The following LRRC37A2 variants were observed in gnomAD, a reference collection of about 807,000 sequenced individuals.
The protein encoded by LRRC37A2 is leucine-rich repeat-containing protein 37A2.
In LRRC37A2, 9 loss-of-function variants were observed where a neutral mutation model predicts 68.8. That is an observed-to-expected ratio of 0.13 (90% CI 0.08 to 0.23). The LOEUF is 0.23. Ranked by LOEUF, LRRC37A2 falls within the 10% of genes least tolerant of loss-of-function variation. The pLI is 1.00. For missense variants in LRRC37A2, 168 were observed against 950.4 expected (o/e 0.18, Z 10.82); for synonymous variants, 63 against 367.6 (o/e 0.17, Z 9.48).
At chr17:46,733,536 C>T in the LRRC37A2 span, among the ~76,000 whole-genome samples, 4 of 152,136 alleles carry the variant, frequency 2.6e-5, no homozygotes, top group African/African-American at 9.7e-5. Flanking sequence ...ACAGGGTAGC[C>T]TCGTAATTTA....
the LRRC37A2 span, among the ~76,000 whole-genome samples, chr17:46,985,023 A>T: frequency 6.6e-6 from 1 of 152,238 alleles, no homozygotes. Flanking sequence ...CTTTTCCTGG[A>T]ATGGGCAAAG....
chr17:46,942,948 T>G, the LRRC37A2 span, among the ~76,000 whole-genome samples: 62 of 152,240 alleles, frequency 4.1e-4, no homozygotes, highest in African/African-American at 1.4e-3. Context: ...CCCATGTCCC[T>G]CTAGTACAGG....
the LRRC37A2 span, among the ~76,000 whole-genome samples, chr17:46,740,972 G>C: frequency 1.3e-5 from 2 of 152,078 alleles, no homozygotes; most frequent in African/African-American, 4.8e-5. Flanking sequence ...ATTATTTCTA[G>C]GTAATAAATC....
At chr17:46,878,472 A>C in the LRRC37A2 span, among the ~76,000 whole-genome samples, 1 of 152,138 alleles carries the variant, frequency 6.6e-6, no homozygotes, top group African/African-American at 2.4e-5. Flanking sequence ...CCCGGCTGAG[A>C]AGCCAAACTG....
the LRRC37A2 span, among the ~76,000 whole-genome samples, chr17:46,498,536 A>AAGT: frequency 7.2e-6 from 1 of 139,204 alleles, no homozygotes; most frequent in East Asian, 2.1e-4. Flanking sequence ...AACATCGTTA[A>AAGT]AGTACTGAGA....
the LRRC37A2 span, among the ~76,000 whole-genome samples, chr17:46,388,114 TA>T: frequency 4.4e-3 from 7 of 1,584 alleles, no homozygotes; most frequent in East Asian, 7.3e-3. Flanking sequence ...TCCTGAAGGC[TA>T]AAAAAAAAAA....
the LRRC37A2 span, among the ~76,000 whole-genome samples, chr17:46,736,156 A>G: frequency 1.3e-5 from 2 of 152,182 alleles, no homozygotes; most frequent in African/African-American, 4.8e-5. Context: ...TGAAATTTAG[A>G]AGCTTCCTAC....
chr17:46,922,586 T>G, the LRRC37A2 span, among the ~76,000 whole-genome samples: 5 of 152,188 alleles, frequency 3.3e-5, no homozygotes. Flanking sequence ...GACCAGAACC[T>G]CTTTGAGGGC....
the LRRC37A2 span, among the ~76,000 whole-genome samples, chr17:46,948,355 C>T: frequency 1.3e-5 from 2 of 152,202 alleles, no homozygotes; most frequent in East Asian, 1.9e-4. Context: ...TGCATAGGAC[C>T]CAGGTCTGAT....
At chr17:46,492,684 GTTTTGTTTTTTTTTTTT>G in the LRRC37A2 span, among the ~76,000 whole-genome samples, 2 of 127,862 alleles carry the variant, frequency 1.6e-5, no homozygotes, top group South Asian at 4.6e-4. Flanking sequence ...TCAGGGTTTT[GTTTTGTTTTTTTTTTTT>G]TTTTTTTTTT....
chr17:47,047,781 T>C, the LRRC37A2 span, among the ~76,000 whole-genome samples: 1 of 151,814 alleles, frequency 6.6e-6, no homozygotes, highest in African/African-American at 2.4e-5. Context: ...ACCTGGCTCT[T>C]CTAATAGAAT....
the LRRC37A2 span, among the ~76,000 whole-genome samples, chr17:46,999,333 C>T: frequency 3.9e-5 from 6 of 152,100 alleles, no homozygotes; most frequent in Non-Finnish European, 7.4e-5. Flanking sequence ...GCCTGACCCA[C>T]CAGAAGGGCT....
the LRRC37A2 span, chr17:47,018,689 A>G: frequency 6.6e-7 from 1 of 1,520,352 alleles, no homozygotes; most frequent in African/African-American, 1.4e-5. Flanking sequence ...AGGAGGCTGC[A>G]GCTGAGCATC....
the LRRC37A2 span, chr17:46,726,664 A>T: frequency 6.8e-7 from 1 of 1,478,474 alleles, no homozygotes; most frequent in Non-Finnish European, 9.5e-7. Context: ...ATTACAGCTA[A>T]TATCTCAAAA....
At chr17:46,456,207 GATAT>G in the LRRC37A2 span, among the ~76,000 whole-genome samples, 6,111 of 98,938 alleles carry the variant, frequency 0.062, 1,444 homozygotes, top group South Asian at 0.14. Flanking sequence ...TATTCCATGG[GATAT>G]GTGTGTGTGT....
chr17:46,875,981 G>A, the LRRC37A2 span, among the ~76,000 whole-genome samples: 2 of 151,784 alleles, frequency 1.3e-5, no homozygotes, highest in African/African-American at 4.9e-5. Flanking sequence ...GTGAACCGGG[G>A]CTGCTGTGTT....
chr17:46,392,453 CTTTCTT>C, the LRRC37A2 span, among the ~76,000 whole-genome samples: 1 of 62,086 alleles, frequency 1.6e-5, no homozygotes, highest in Non-Finnish European at 3.7e-5. Flanking sequence ...TTCTTTCTTT[CTTTCTT>C]TCTTTCTTTC....
chr17:46,458,254 T>G, the LRRC37A2 span, among the ~76,000 whole-genome samples: 1 of 108,620 alleles, frequency 9.2e-6, no homozygotes, highest in African/African-American at 3.1e-5. Context: ...GAAAGAAAAC[T>G]GGATCTCCAG....
chr17:46,533,579 G>T (rs62073320), intron 6 of LRRC37A2, among the ~76,000 whole-genome samples: 32 of 110,170 alleles, frequency 2.9e-4, no homozygotes, highest in Middle Eastern at 5.5e-3. Flanking sequence ...TTTACTCGCC[G>T]CAACCTCTGC....
Sources: allele counts gnomAD v4.1 joint callset (sites outside exome capture counted in the v4.1 genomes callset), GRCh38; gene constraint gnomAD v4.1.1; transcripts MANE v1.5; gene names NCBI Gene and HGNC (gene_info 2026-07-23, HGNC 2026-07-21).